LARP1B: variants seen among roughly 807,000 people sequenced by gnomAD.
The protein encoded by LARP1B is La ribonucleoprotein 1B.
A neutral mutation model predicts 114.2 loss-of-function variants in LARP1B; 76 were observed. The observed-to-expected ratio is 0.67, with a 90% CI of 0.55 to 0.81. The LOEUF is 0.81. LARP1B is among the 30% of genes least tolerant of loss of function. LARP1B has a pLI of 0.00. For missense variants in LARP1B, 1,014 were observed against 1,075.8 expected (o/e 0.94, Z 0.80); for synonymous variants, 345 against 348.0 (o/e 0.99, Z 0.10).
intron 1 of LARP1B, among the ~76,000 whole-genome samples, chr4:128,066,581 G>A (rs1334867540): frequency 6.7e-6 from 1 of 148,570 alleles, no homozygotes; most frequent in Admixed American, 6.8e-5. Flanking sequence ...GGGTTCCCCC[G>A]ATTCTCCTGC....
At chr4:128,098,747 G>GTGTGTGTGTATATATATATATATATATA in intron 8 of LARP1B, among the ~76,000 whole-genome samples, 5 of 15,584 alleles carry the variant, frequency 3.2e-4, no homozygotes, top group Non-Finnish European at 5.2e-4. Context: ...ATATGTATGT[G>GTGTGTGTGTATATATATATATATATATA]TATATATATA....
intron 11 of LARP1B, among the ~76,000 whole-genome samples, chr4:128,141,858 T>C (rs1728217828): frequency 6.6e-6 from 1 of 152,204 alleles, no homozygotes; most frequent in African/African-American, 2.4e-5. Flanking sequence ...ATAGCTCTCA[T>C]TCACTTTGAC....
At chr4:128,072,815 C>T (rs1159485293) in intron 1 of LARP1B, among the ~76,000 whole-genome samples, 1 of 152,090 alleles carries the variant, frequency 6.6e-6, no homozygotes, top group Non-Finnish European at 1.5e-5. Flanking sequence ...CCTTGGCCTC[C>T]CAAAGCTGTT....
intron 10 of LARP1B, among the ~76,000 whole-genome samples, chr4:128,119,501 C>T (rs1184072393): frequency 3.3e-5 from 5 of 152,076 alleles, no homozygotes; most frequent in African/African-American, 1.2e-4. Flanking sequence ...TAGTTGGGAG[C>T]GATCTTTATA....
intron 2 of LARP1B, 29 bp downstream of exon 2, chr4:128,074,547 C>T (rs1272757932): frequency 7.7e-6 from 6 of 783,584 alleles, no homozygotes; most frequent in Non-Finnish European, 6.2e-6. Context: ...TAGTTCTTAA[C>T]TGTATTGATT....
At chr4:128,137,506 C>T (rs1465570747) in intron 11 of LARP1B, among the ~76,000 whole-genome samples, 1 of 151,962 alleles carries the variant, frequency 6.6e-6, no homozygotes, top group African/African-American at 2.4e-5. Context: ...TTTTTATATT[C>T]CATTGACTAT....
At position 128,178,634 on chromosome 4, in the gene LARP1B, G is replaced by T. The variant is rs1024188102; in HGVS notation, c.1888G>T (p.Asp630Tyr). 3.7e-6 allele frequency: 6 copies of T among 1,612,352 alleles called. No individual in the cohort carries two copies. The highest frequency in any genetic ancestry group is 5.1e-6 in the Non-Finnish European group (6 of 1,178,542). ...YPVVKEPKAIDVKSPRKRKTR... is the reference protein window; with the variant it reads ...YPVVKEPKAIYVKSPRKRKTR... The stretch of plus-strand genomic sequence containing the variant: ...TGTTGTTAAAGAACCAAAAGCCATT[G>T]ATGTAAAGGTATACAAAACAACCAG... Residue 630 changes from aspartate (D) to tyrosine (Y), a missense_variant, in exon 14 of 20, where the codon GAT becomes TAT. Coordinates refer to ENST00000326639, the MANE Select transcript of LARP1B (RefSeq NM_018078.4).
At chr4:128,123,101 C>A in intron 11 of LARP1B, 1 of 985,346 alleles carries the variant, frequency 1.0e-6, no homozygotes, top group Non-Finnish European at 1.2e-6. Flanking sequence ...GACTGCCTGT[C>A]GGTGGGGCTT....
At chr4:128,076,866 T>C (rs1043503480) in intron 3 of LARP1B, among the ~76,000 whole-genome samples, 1 of 152,010 alleles carries the variant, frequency 6.6e-6, no homozygotes, top group Non-Finnish European at 1.5e-5. Flanking sequence ...GCTGCGACTA[T>C]AGGCATGCAC....
intron 15 of LARP1B, among the ~76,000 whole-genome samples, chr4:128,191,527 A>C (rs1012288550): frequency 1.3e-5 from 2 of 152,080 alleles, no homozygotes; most frequent in African/African-American, 2.4e-5. Flanking sequence ...CAAACATTGG[A>C]GCACTGCCTG....
intron 9 of LARP1B, among the ~76,000 whole-genome samples, chr4:128,112,031 GAA>G (rs201940366): frequency 6.9e-6 from 1 of 145,456 alleles, no homozygotes; most frequent in Non-Finnish European, 1.5e-5. Flanking sequence ...TCATTAAAAA[GAA>G]AAAAAAAAGT....
intron 1 of LARP1B, among the ~76,000 whole-genome samples, chr4:128,065,547 A>C (rs935319428): frequency 1.3e-5 from 2 of 151,806 alleles, no homozygotes; most frequent in Non-Finnish European, 2.9e-5. Context: ...ACAGGACCAC[A>C]GTCTATTTGC....
intron 10 of LARP1B, among the ~76,000 whole-genome samples, chr4:128,120,880 G>A (rs1357063852): frequency 1.4e-5 from 2 of 144,086 alleles, no homozygotes; most frequent in Non-Finnish European, 3.0e-5. Context: ...GCGTGATCTC[G>A]GCTCACTGCA....
chr4:128,203,452 C>A (rs1378308437), intron 17 of LARP1B, among the ~76,000 whole-genome samples: 1 of 151,782 alleles, frequency 6.6e-6, no homozygotes, highest in Non-Finnish European at 1.5e-5. Flanking sequence ...CGGCTCACTG[C>A]AACCTCTGCC....
intron 1 of LARP1B, among the ~76,000 whole-genome samples, chr4:128,067,487 G>A (rs1292355462): frequency 6.6e-6 from 1 of 152,154 alleles, no homozygotes; most frequent in Non-Finnish European, 1.5e-5. Flanking sequence ...GCACATCTAA[G>A]TGAACCAGAT....
chr4:128,096,704 C>T (rs1226198917), intron 7 of LARP1B, among the ~76,000 whole-genome samples: 1 of 151,440 alleles, frequency 6.6e-6, no homozygotes, highest in African/African-American at 2.4e-5. Flanking sequence ...AGGTTCACGC[C>T]ATTCTCCTGC....
intron 5 of LARP1B, among the ~76,000 whole-genome samples, chr4:128,090,194 T>C (rs187951536): frequency 7.3e-5 from 11 of 151,608 alleles, no homozygotes; most frequent in African/African-American, 2.7e-4. Context: ...TCCTTCAGCC[T>C]CCCGAGTAGC....
chr4:128,096,314 A>C (rs961944897), intron 7 of LARP1B, among the ~76,000 whole-genome samples: 6 of 152,080 alleles, frequency 3.9e-5, no homozygotes, highest in Admixed American at 2.6e-4. Context: ...TAATTTAAAC[A>C]TGTATTTCTC....
At position 128,070,365 on chromosome 4, in the gene LARP1B, A is replaced by T. The variant is rs1561039856; in HGVS notation, c.-77-4095A>T. On this transcript the variant is annotated intron_variant, in intron 1 of 19. Coordinates refer to ENST00000326639, the MANE Select transcript of LARP1B (RefSeq NM_018078.4). ...TTACTAAATCTAAACTCCTTTTAAA[A>T]ATTGCTGAGGACTGCCCGGGCACGG... 2.6e-5 allele frequency among the ~76,000 whole-genome samples: 4 copies of T among 152,152 alleles called. 1 individual carries two copies. In the East Asian group the frequency reaches 7.8e-4, roughly 30 times the overall value.
Sources: gnomAD v4.1 joint callset for allele counts (sites outside exome capture counted in the v4.1 genomes callset) on GRCh38, gnomAD v4.1.1 for gene constraint, MANE v1.5 for transcripts, NCBI Gene and HGNC (gene_info 2026-07-23, HGNC 2026-07-21) for gene names.